Variants in ARHGEF3 observed in about 807,000 individuals in gnomAD.
ARHGEF3 encodes the protein 59.8 kDA protein.
In ARHGEF3, 28 loss-of-function variants were observed where a neutral mutation model predicts 63.2. The observed-to-expected ratio is 0.44, with a 90% CI of 0.33 to 0.61. The LOEUF (loss-of-function observed/expected upper bound fraction) is 0.61. ARHGEF3 is among the 20% of genes least tolerant of loss of function. The pLI is 0.03. For synonymous variants in ARHGEF3, 266 were observed against 254.2 expected (o/e 1.05, Z -0.44); for missense variants, 533 against 659.3 (o/e 0.81, Z 2.10).
chr3:56,757,208 C>T (rs975142170), intron 2 of ARHGEF3, among the ~76,000 whole-genome samples: 2 of 152,200 alleles, frequency 1.3e-5, no homozygotes, highest in African/African-American at 4.8e-5. Flanking sequence ...CACAGTGGCT[C>T]ACGCCTGTAA....
intron 4 of ARHGEF3, among the ~76,000 whole-genome samples, chr3:56,819,671 G>A (rs576886283): frequency 4.0e-5 from 6 of 150,392 alleles, no homozygotes; most frequent in African/African-American, 1.2e-4. Flanking sequence ...CACCATGCCT[G>A]GCTAATTTTT....
chr3:56,955,296 A>G (rs1369350151), intron 3 of ARHGEF3, among the ~76,000 whole-genome samples: 1 of 151,876 alleles, frequency 6.6e-6, no homozygotes, highest in Admixed American at 6.6e-5. Context: ...CCTGGGCTCA[A>G]GTGATCCTCC....
chr3:56,916,182 T>C, intron 3 of ARHGEF3: 1 of 1,279,558 alleles, frequency 7.8e-7, no homozygotes, highest in Non-Finnish European at 1.0e-6. Context: ...AGCAGCTCCC[T>C]GATCAGTTTC....
At chr3:56,863,407 C>G (rs758297849) in intron 4 of ARHGEF3, among the ~76,000 whole-genome samples, 1 of 152,082 alleles carries the variant, frequency 6.6e-6, no homozygotes, top group Non-Finnish European at 1.5e-5. Flanking sequence ...TCAAGCGATC[C>G]TCTCACCTCA....
chr3:56,859,314 T>A (rs1246887867), intron 4 of ARHGEF3, among the ~76,000 whole-genome samples: 1 of 151,406 alleles, frequency 6.6e-6, no homozygotes, highest in African/African-American at 2.4e-5. Flanking sequence ...ATTTTTTGTA[T>A]TTTTTTAGTA....
chr3:56,902,677 G>A (rs956222793), intron 3 of ARHGEF3, among the ~76,000 whole-genome samples: 3 of 152,234 alleles, frequency 2.0e-5, no homozygotes, highest in South Asian at 2.1e-4. Flanking sequence ...TGAGGACCCT[G>A]TGTGCCTGCC....
intron 8 of ARHGEF3, among the ~76,000 whole-genome samples, chr3:56,732,684 G>C (rs2033259289): frequency 6.6e-6 from 1 of 152,172 alleles, no homozygotes; most frequent in Non-Finnish European, 1.5e-5. Flanking sequence ...CTACAGCCAG[G>C]GTTGCCAACT....
At chr3:57,031,403 G>A (rs374147214) in intron 2 of ARHGEF3, among the ~76,000 whole-genome samples, 3 of 152,238 alleles carry the variant, frequency 2.0e-5, no homozygotes, top group South Asian at 2.1e-4. Context: ...AAAAAATGCC[G>A]TCTTTACTGG....
intron 4 of ARHGEF3, 88 bp downstream of exon 4, chr3:56,753,416 G>T: frequency 8.7e-7 from 1 of 1,143,708 alleles, no homozygotes; most frequent in Admixed American, 2.0e-5. Flanking sequence ...CATAAAGACA[G>T]TTCTCACGAA....
chr3:57,036,643 A>G (rs1703974478), intron 1 of ARHGEF3, among the ~76,000 whole-genome samples: 1 of 152,186 alleles, frequency 6.6e-6, no homozygotes, highest in Non-Finnish European at 1.5e-5. Context: ...ATCTAGTGTC[A>G]ACCAAAGAAA....
chr3:56,763,079 T>C (rs950669325), intron 2 of ARHGEF3, among the ~76,000 whole-genome samples: 1 of 152,126 alleles, frequency 6.6e-6, no homozygotes, highest in Non-Finnish European at 1.5e-5. Flanking sequence ...GTGAAGAACA[T>C]AGGCTTTGGA....
At chr3:56,857,322 G>A (rs80052905) in intron 4 of ARHGEF3, among the ~76,000 whole-genome samples, 1 of 152,144 alleles carries the variant, frequency 6.6e-6, no homozygotes, top group Non-Finnish European at 1.5e-5. Flanking sequence ...GGCAGAGTCT[G>A]AGTCAATCTT....
chr3:56,974,539 G>C lies in ARHGEF3; in HGVS notation c.63-15650C>G, dbSNP rs550465120. ...CAGAACATTTTTGAAGGGATGTTTT[G>C]TAAGAGGTCTTCTGGAAATCTAATT... On this transcript the variant is annotated intron_variant, in intron 2 of 12. Transcript: ENST00000338458. Among the ~76,000 whole-genome samples the C allele has an allele frequency of 2.6e-5, 4 of 152,264 alleles. No homozygotes were observed. In the East Asian group the frequency reaches 7.7e-4, roughly 29 times the overall value.
At chr3:57,001,992 C>T (rs534007588) in intron 2 of ARHGEF3, among the ~76,000 whole-genome samples, 227 of 133,602 alleles carry the variant, frequency 1.7e-3, no homozygotes, top group Non-Finnish European at 2.7e-3. Flanking sequence ...GGCGTGATCT[C>T]GGCTCACTGC....
chr3:56,762,792 C>T (rs941778355), intron 2 of ARHGEF3, among the ~76,000 whole-genome samples: 14 of 152,106 alleles, frequency 9.2e-5, no homozygotes, highest in Non-Finnish European at 1.9e-4. Flanking sequence ...GTTGCCACTG[C>T]GGTGGGTTAA....
intron 3 of ARHGEF3, among the ~76,000 whole-genome samples, chr3:56,947,322 C>G (rs1699561200): frequency 6.6e-6 from 1 of 152,178 alleles, no homozygotes; most frequent in Non-Finnish European, 1.5e-5. Flanking sequence ...AATTAAAAGA[C>G]ACAGACTGGC....
At position 56,783,671 on chromosome 3, in the gene ARHGEF3, AC is replaced by A. The variant is rs1222208786; in HGVS notation, c.97-9856del. ...GGTGAAGCAGGCAGCAGCCTAGGTTACAAACATAATCTCTAAGCAGAGCCAG... is the reference window on the plus strand; with the variant it reads ...GGTGAAGCAGGCAGCAGCCTAGGTTAAAACATAATCTCTAAGCAGAGCCAG... On this transcript the variant is annotated intron_variant, in intron 1 of 9. Coordinates refer to ENST00000296315, the MANE Select transcript of ARHGEF3 (RefSeq NM_019555.3). Among the ~76,000 whole-genome samples, 17 of 152,356 alleles carry A rather than the reference AC, an allele frequency of 1.1e-4. No homozygotes were observed. In the South Asian group the frequency reaches 1.9e-3, roughly 17 times the overall value.
At chr3:56,985,891 C>A (rs1701517582) in intron 2 of ARHGEF3, among the ~76,000 whole-genome samples, 1 of 152,214 alleles carries the variant, frequency 6.6e-6, no homozygotes, top group Non-Finnish European at 1.5e-5. Context: ...GTGATGCCGC[C>A]TGGCTGGAAG....
intron 3 of ARHGEF3, among the ~76,000 whole-genome samples, chr3:56,941,274 C>A (rs1375511276): frequency 6.6e-6 from 1 of 152,230 alleles, no homozygotes; most frequent in Non-Finnish European, 1.5e-5. Flanking sequence ...CTGGCATGAT[C>A]TTGGCTCACT....
Sources: gnomAD v4.1 joint callset for allele counts (sites outside exome capture counted in the v4.1 genomes callset) on GRCh38, gnomAD v4.1.1 for gene constraint, MANE v1.5 for transcripts, NCBI Gene and HGNC (gene_info 2026-07-23, HGNC 2026-07-21) for gene names.